DNAH10: variants seen among roughly 807,000 people sequenced by gnomAD.
DNAH10 encodes the protein dynein axonemal heavy chain 10, also known as axonemal beta dynein heavy chain 10.
A neutral mutation model predicts 506.6 loss-of-function variants in DNAH10; 348 were observed. The ratio of observed to expected loss-of-function variants is 0.69; its 90% CI spans 0.63 to 0.75. The LOEUF (loss-of-function observed/expected upper bound fraction) is 0.75. Ranked by LOEUF, DNAH10 falls within the 30% of genes least tolerant of loss-of-function variation. The pLI is 0.00. For synonymous variants in DNAH10, 2,059 were observed against 2,198.6 expected, an observed-to-expected ratio of 0.94 and a Z score of 1.78; for missense variants, 5,179 against 5,787.1, an observed-to-expected ratio of 0.89 and a Z score of 3.41.
chr12:123,830,521 G>T, intron 25 of DNAH10, 25 bp from the exon 26 acceptor site: 3 of 1,604,164 alleles, frequency 1.9e-6, no homozygotes, highest in Non-Finnish European at 2.6e-6. Flanking sequence ...TAAGCATAAA[G>T]ATTTGAATGC....
intron 29 of DNAH10, among the ~76,000 whole-genome samples, chr12:123,840,897 G>T (rs552672082): frequency 9.2e-5 from 14 of 152,246 alleles, no homozygotes; most frequent in Non-Finnish European, 1.8e-4. Context: ...TTTATTCCAG[G>T]CAGAGAGAGG....
intron 46 of DNAH10, among the ~76,000 whole-genome samples, chr12:123,874,265 G>GTCCGTCCATCCATCCATCCATCCATCCA (rs1555241063): frequency 6.9e-6 from 1 of 145,486 alleles, no homozygotes; most frequent in Admixed American, 6.8e-5. Context: ...GAGTCCGTCC[G>GTCCGTCCATCCATCCATCCATCCATCCA]TCCATCCATC....
At position 123,859,202 on chromosome 12, in the gene DNAH10, T is replaced by C. The variant is rs753289214; in HGVS notation, c.6683T>C (p.Met2228Thr). ...FETMLTRHTTMVVGPTRGGKS... is the reference protein window; with the variant it reads ...FETMLTRHTTTVVGPTRGGKS... The stretch of plus-strand genomic sequence containing the variant: ...ACCATGTTAACCCGCCACACGACGA[T>C]GGTGGTGGGGCCCACCAGAGGGGGC... The change falls in exon 38 of 79, where the codon ATG becomes ACG. Residue 2228 changes from methionine (M) to threonine (T), a missense_variant. Physicochemically the swap from Met to Thr is moderately conservative, Grantham distance 81 (BLOSUM62 -1). Coordinates refer to ENST00000673944, the MANE Select transcript of DNAH10 (RefSeq NM_001372106.1). 8 of 1,612,288 alleles carry C rather than the reference T, an allele frequency of 5.0e-6. No individual in the cohort carries two copies. In the East Asian group the frequency reaches 1.3e-4, roughly 27 times the overall value.
At position 123,913,086 on chromosome 12, in the gene DNAH10, G is replaced by A; in HGVS notation, c.10135-12G>A. 6.3e-7 allele frequency: 1 copy of A among 1,598,252 alleles called. No individual in the cohort carries two copies. Among genetic ancestry groups the A allele is most frequent in the South Asian group, 1.1e-5 (1 of 88,306 alleles). Reference sequence around the variant, plus strand: ...CCTTTTCCCCATCTTTTTGCAAATTGTCTTCACTTAGGTGGCCAGGCTGGA... The same window carrying A: ...CCTTTTCCCCATCTTTTTGCAAATTATCTTCACTTAGGTGGCCAGGCTGGA... On this transcript the variant is annotated splice_polypyrimidine_tract_variant and intron_variant, in intron 59 of 78. Transcript: ENST00000673944. The surrounding 1 kb of genome is among the most constrained non-coding windows in gnomAD (Gnocchi z 5.1).
chr12:123,808,481 A>G (rs535861434), intron 18 of DNAH10, among the ~76,000 whole-genome samples: 1 of 152,178 alleles, frequency 6.6e-6, no homozygotes, highest in Non-Finnish European at 1.5e-5. Context: ...TGGAGCCAGT[A>G]GGGCAGGCTG....
At chr12:123,801,917 C>T (rs1416294034) in intron 16 of DNAH10, among the ~76,000 whole-genome samples, 1 of 152,206 alleles carries the variant, frequency 6.6e-6, no homozygotes, top group East Asian at 1.9e-4. Context: ...TCCTTGCCCT[C>T]TCCTTAATCC....
chr12:123,879,169 C>A, intron 48 of DNAH10, 95 bp from the exon 49 acceptor site: 3 of 924,192 alleles, frequency 3.2e-6, no homozygotes, highest in African/African-American at 4.1e-5. Flanking sequence ...GCCTTTATTG[C>A]GCTCTGTGTG....
chr12:123,771,600 G>T lies in DNAH10; in HGVS notation c.299-1G>T, dbSNP rs1191656876. 5.0e-6 allele frequency: 8 copies of T among 1,613,038 alleles called. No individual in the cohort carries two copies. Among genetic ancestry groups the T allele is most frequent in the South Asian group, 2.2e-5 (2 of 90,770 alleles). ...CTCTTAAACTGATTGCTGTTTTGCA[G>T]CTAAGCGTGTGTCACTGAGAACCGA... On this transcript the variant is annotated splice_acceptor_variant, in intron 2 of 78. Transcript: ENST00000673944. LOFTEE classifies it high-confidence loss of function.
chr12:123,925,792 T>G lies in DNAH10; in HGVS notation c.11921+588T>G, dbSNP rs1954916686. 1 of 152,424 alleles carries G rather than the reference T, an allele frequency of 6.6e-6. No homozygotes were observed. Among genetic ancestry groups the G allele is most frequent in the Admixed American group, 6.5e-5 (1 of 15,288 alleles). 9.4% of individuals were successfully genotyped at this position (152,424 alleles called of 1,614,324 possible). Reference sequence around the variant, plus strand: ...GGTGGGGTCCTGGTCCCTGGGCAGCTGCCCTTAGCTCCTGCTGACTGATAC... The same window carrying G: ...GGTGGGGTCCTGGTCCCTGGGCAGCGGCCCTTAGCTCCTGCTGACTGATAC... On this transcript the variant is annotated intron_variant, in intron 68 of 78. Coordinates refer to ENST00000673944, the MANE Select transcript of DNAH10 (RefSeq NM_001372106.1). This position sits in a 1 kb window ranked among gnomAD's most constrained non-coding sequence, Gnocchi z 4.0.
intron 23 of DNAH10, among the ~76,000 whole-genome samples, chr12:123,819,699 T>TG (rs200585792): frequency 0.043 from 6,148 of 143,626 alleles, 208 homozygotes; most frequent in African/African-American, 0.082. Context: ...ACTAAAATTC[T>TG]GTTTTTTTTT....
At position 123,935,226 on chromosome 12, in the gene DNAH10, T is replaced by A. The variant is rs375797798; in HGVS notation, c.13624-109T>A. The A allele has an allele frequency of 8.5e-5, 113 of 1,330,948 alleles. No homozygotes were observed. The East Asian group carries it at 1.9e-3, about 23-fold the overall frequency. The allele number at this position is 1,330,948 out of a possible 1,614,324, so 82.4% of individuals were successfully genotyped here. ...CCCCAGCCTTGTGCGTGTTCTCAGG[T>A]GCAGTCTTGCACAGGGGCCCCTGCC... On this transcript the variant is annotated intron_variant, in intron 78 of 78. Coordinates refer to ENST00000673944, the MANE Select transcript of DNAH10 (RefSeq NM_001372106.1).
chr12:123,831,633 C>A (rs1960555988), intron 26 of DNAH10, among the ~76,000 whole-genome samples: 1 of 152,198 alleles, frequency 6.6e-6, no homozygotes, highest in African/African-American at 2.4e-5. Context: ...TGGCTCACGC[C>A]TGTAATCCCA....
Position 123,785,834 on chromosome 12 carries a change from GAC to G in DNAH10, c.1322_1323del (p.His441LeufsTer20). ...CTGCGGATGGTGTGGATCATCTCCC[GAC>G]ACTACAACAAAGACGAGAGGATGAT... On this transcript the variant is annotated frameshift_variant, in exon 9 of 79. Transcript: ENST00000673944. LOFTEE classifies it high-confidence loss of function. The surrounding 1 kb of genome is among the most constrained non-coding windows in gnomAD (Gnocchi z 4.1). 1 of 1,614,028 alleles carries G rather than the reference GAC, an allele frequency of 6.2e-7. No individual in the cohort carries two copies. Among genetic ancestry groups the G allele is most frequent in the Non-Finnish European group, 8.5e-7 (1 of 1,179,994 alleles).
At chr12:123,818,098 G>A (rs527737552) in intron 21 of DNAH10, among the ~76,000 whole-genome samples, 5 of 151,688 alleles carry the variant, frequency 3.3e-5, no homozygotes, top group Non-Finnish European at 4.4e-5. Flanking sequence ...ATAGGCATGC[G>A]CCACCACCCC....
intron 32 of DNAH10, among the ~76,000 whole-genome samples, chr12:123,847,223 T>C: frequency 2.1e-4 from 8 of 37,954 alleles, no homozygotes; most frequent in Non-Finnish European, 5.3e-5. Context: ...TCCTATTATC[T>C]ATCTATCTAT....
intron 36 of DNAH10, among the ~76,000 whole-genome samples, chr12:123,856,277 A>G (rs960816714): frequency 4.0e-5 from 6 of 149,090 alleles, no homozygotes; most frequent in African/African-American, 1.5e-4. Flanking sequence ...TTTAAATTTT[A>G]TATTTCATTT....
chr12:123,814,000 A>G lies in DNAH10; in HGVS notation c.3780+88A>G. 14 of 1,277,500 alleles carry G rather than the reference A, an allele frequency of 1.1e-5. 1 individual carries two copies. The highest frequency in any genetic ancestry group is 1.1e-5 in the Non-Finnish European group (10 of 948,944). 79.1% of individuals were successfully genotyped at this position (1,277,500 alleles called of 1,614,324 possible). A position where few individuals can be genotyped will look rare whatever the true frequency, so the allele number is the denominator to read the frequency against. On this transcript the variant is annotated intron_variant, in intron 21 of 78. Transcript: ENST00000673944. ...AGAAATGCTTCTCAAGTATACTGCC[A>G]TTGATTTGTTTTCAAATAAGTGACT... is the stretch of plus-strand genomic sequence containing the variant.
At chr12:123,887,659 C>T (rs1952797598) in intron 52 of DNAH10, among the ~76,000 whole-genome samples, 1 of 152,166 alleles carries the variant, frequency 6.6e-6, no homozygotes, top group African/African-American at 2.4e-5. Flanking sequence ...TGTGGTGCCT[C>T]CTGCCTGTGA....
chr12:123,890,596 T>A lies in DNAH10; in HGVS notation c.8996-2637T>A, dbSNP rs1359682936. Among the ~76,000 whole-genome samples, 4 of 152,126 alleles carry A rather than the reference T, an allele frequency of 2.6e-5. No homozygotes were observed. The East Asian group carries it at 7.7e-4, about 29-fold the overall frequency. On this transcript the variant is annotated intron_variant, in intron 52 of 78. Transcript: ENST00000673944. ...CCACTGCACCCAGCCAAGATTTATGTTTCTAAAAGATCCCTCCAGTGCGCC... is the reference window on the plus strand; with the variant it reads ...CCACTGCACCCAGCCAAGATTTATGATTCTAAAAGATCCCTCCAGTGCGCC...
Sources: allele counts gnomAD v4.1 joint callset (sites outside exome capture counted in the v4.1 genomes callset), GRCh38; gene constraint gnomAD v4.1.1; non-coding constraint Gnocchi (gnomAD v3.1); transcripts MANE v1.5; gene names NCBI Gene and HGNC (gene_info 2026-07-23, HGNC 2026-07-21).